YPEL2: variants seen among roughly 807,000 people sequenced by gnomAD.
YPEL2 encodes the protein protein yippee-like 2.
YPEL2 carries 2 observed loss-of-function variants against 19.1 expected under a neutral mutation model. The ratio of observed to expected loss-of-function variants is 0.10; its 90% CI spans 0.04 to 0.33. YPEL2 has a LOEUF of 0.33. YPEL2 is among the 10% of genes least tolerant of loss of function. YPEL2 has a pLI of 1.00. For synonymous variants in YPEL2, 52 were observed against 50.0 expected, an observed-to-expected ratio of 1.04 and a Z score of -0.17; for missense variants, 66 against 140.7, an observed-to-expected ratio of 0.47 and a Z score of 2.68.
intron 2 of YPEL2, among the ~76,000 whole-genome samples, chr17:59,360,436 T>A (rs759999375): frequency 1.3e-5 from 2 of 152,152 alleles, no homozygotes; most frequent in Non-Finnish European, 2.9e-5. Context: ...AGTGACAAAT[T>A]AGGGAAGAGT....
Position 59,376,852 on chromosome 17 carries a change from G to C in YPEL2, c.118-11475G>C, listed in dbSNP as rs1193890922. On this transcript the variant is annotated intron_variant, in intron 2 of 4. Transcript: ENST00000312655. Reference sequence around the variant, plus strand: ...TACTCCCAGCTGCTTGGGAGGCTGAGGCAGGAAAATCACTTGAACCTGGGA... The same window carrying C: ...TACTCCCAGCTGCTTGGGAGGCTGACGCAGGAAAATCACTTGAACCTGGGA... Among the ~76,000 whole-genome samples, 4 of 150,026 alleles carry C rather than the reference G, an allele frequency of 2.7e-5. No individual in the cohort carries two copies. In the East Asian group the frequency reaches 7.8e-4, roughly 29 times the overall value.
chr17:59,339,315 G>A (rs986549310), intron 1 of YPEL2, among the ~76,000 whole-genome samples: 1 of 152,144 alleles, frequency 6.6e-6, no homozygotes, highest in South Asian at 2.1e-4. Flanking sequence ...TGCTCGCGGG[G>A]CTCTTTTTTT....
At chr17:59,383,623 T>A (rs1414934990) in intron 2 of YPEL2, among the ~76,000 whole-genome samples, 1 of 58,564 alleles carries the variant, frequency 1.7e-5, no homozygotes, top group Non-Finnish European at 3.1e-5. Flanking sequence ...TATATATATA[T>A]ATATATATAT....
At chr17:59,384,624 G>C (rs2047971354) in intron 2 of YPEL2, among the ~76,000 whole-genome samples, 1 of 152,156 alleles carries the variant, frequency 6.6e-6, no homozygotes, top group African/African-American at 2.4e-5. Flanking sequence ...GGCAATCCAT[G>C]TATTGTAACT....
intron 2 of YPEL2, among the ~76,000 whole-genome samples, chr17:59,365,586 A>G (rs1056447994): frequency 1.3e-5 from 2 of 152,056 alleles, no homozygotes; most frequent in African/African-American, 2.4e-5. Flanking sequence ...GGTGGGGGGG[A>G]ATCTTTTGAA....
intron 2 of YPEL2, among the ~76,000 whole-genome samples, chr17:59,358,666 G>C (rs542077242): frequency 6.6e-6 from 1 of 152,078 alleles, no homozygotes; most frequent in African/African-American, 2.4e-5. Context: ...CTGGAGTACA[G>C]TGGCACAATC....
intron 2 of YPEL2, among the ~76,000 whole-genome samples, chr17:59,385,950 A>G (rs917930320): frequency 2.0e-5 from 3 of 152,210 alleles, no homozygotes; most frequent in Non-Finnish European, 4.4e-5. Context: ...CATGGCGCAC[A>G]CCTTCAGGGA....
chr17:59,343,701 A>G (rs2047742621), intron 1 of YPEL2, among the ~76,000 whole-genome samples: 1 of 152,168 alleles, frequency 6.6e-6, no homozygotes, highest in South Asian at 2.1e-4. Flanking sequence ...TGATGACAAT[A>G]TAAGGAGAGT....
At chr17:59,394,224 T>C (rs2147960657) in intron 4 of YPEL2, among the ~76,000 whole-genome samples, 1 of 152,078 alleles carries the variant, frequency 6.6e-6, no homozygotes, top group East Asian at 1.9e-4. Context: ...ACAGGGTGGC[T>C]GCCGGGCGGA....
intron 2 of YPEL2, among the ~76,000 whole-genome samples, chr17:59,370,927 T>C (rs1296068932): frequency 1.3e-5 from 2 of 152,086 alleles, no homozygotes; most frequent in Non-Finnish European, 2.9e-5. Flanking sequence ...CCCTGTGCAG[T>C]GGCCCTTTTT....
At chr17:59,352,045 G>C (rs1196982854) in intron 1 of YPEL2, among the ~76,000 whole-genome samples, 1 of 152,312 alleles carries the variant, frequency 6.6e-6, no homozygotes, top group South Asian at 2.1e-4. Flanking sequence ...AAAAGAGGAC[G>C]ATGATTTGCA....
chr17:59,334,347 C>T (rs1350843669), intron 1 of YPEL2, among the ~76,000 whole-genome samples: 2 of 146,516 alleles, frequency 1.4e-5, no homozygotes, highest in Non-Finnish European at 3.0e-5. Flanking sequence ...GTATTCCAGA[C>T]TGCATAGCCT....
At chr17:59,360,781 G>A (rs1284852452) in intron 2 of YPEL2, among the ~76,000 whole-genome samples, 1 of 152,098 alleles carries the variant, frequency 6.6e-6, no homozygotes, top group Non-Finnish European at 1.5e-5. Context: ...CCTCCATAGG[G>A]GCAGAGATTG....
intron 1 of YPEL2, among the ~76,000 whole-genome samples, chr17:59,335,970 CT>C (rs2147931970): frequency 6.6e-6 from 1 of 152,312 alleles, no homozygotes; most frequent in African/African-American, 2.4e-5. Flanking sequence ...ATCCCCTTAA[CT>C]TTATTTTCTT....
intron 2 of YPEL2, among the ~76,000 whole-genome samples, chr17:59,365,757 C>G (rs1301322937): frequency 6.6e-6 from 1 of 152,192 alleles, no homozygotes. Context: ...GGAGCTTTAG[C>G]TGTTTCCCTC....
intron 2 of YPEL2, among the ~76,000 whole-genome samples, chr17:59,384,057 G>A (rs146976970): frequency 6.6e-6 from 1 of 152,264 alleles, no homozygotes; most frequent in African/African-American, 2.4e-5. Flanking sequence ...CAAAGTTGCT[G>A]TACCATTTTG....
intron 1 of YPEL2, among the ~76,000 whole-genome samples, chr17:59,343,445 G>T (rs779618010): frequency 6.6e-6 from 1 of 152,144 alleles, no homozygotes; most frequent in Non-Finnish European, 1.5e-5. Flanking sequence ...CATGAACAGT[G>T]TGATAAAATG....
chr17:59,362,950 A>G (rs1482872572), intron 2 of YPEL2: 1 of 152,152 alleles, frequency 6.6e-6, no homozygotes, highest in Non-Finnish European at 1.5e-5. Context: ...TTAAACCTAG[A>G]TGGTAGGGAT....
intron 2 of YPEL2, chr17:59,355,673 A>T (rs1262263164): frequency 6.6e-6 from 1 of 152,182 alleles, no homozygotes; most frequent in Non-Finnish European, 1.5e-5. Flanking sequence ...TCGGGGTCAG[A>T]ACCTGACCCA....
Sources: gnomAD v4.1 joint callset for allele counts (sites outside exome capture counted in the v4.1 genomes callset) on GRCh38, gnomAD v4.1.1 for gene constraint, MANE v1.5 for transcripts, NCBI Gene and HGNC (gene_info 2026-07-23, HGNC 2026-07-21) for gene names.